Variants in NCK2 observed in about 807,000 individuals in gnomAD.
NCK2 encodes the protein NCK adaptor protein 2.
A neutral mutation model predicts 33.9 loss-of-function variants in NCK2; 16 were observed. That is an observed-to-expected ratio of 0.47 (90% CI 0.32 to 0.72). NCK2 has a LOEUF of 0.72. Among genes scored for constraint, NCK2 ranks in the 30% least tolerant of loss-of-function variants. The probability of loss-of-function intolerance (pLI) is 0.03; values close to 1 mark genes in which losing one functional copy is unlikely to be tolerated. For missense variants in NCK2, 418 were observed against 537.3 expected (o/e 0.78, Z 2.19); for synonymous variants, 273 against 239.9 (o/e 1.14, Z -1.27).
At chr2:105,847,576 T>C (rs1290812715) in intron 2 of NCK2, among the ~76,000 whole-genome samples, 3 of 151,860 alleles carry the variant, frequency 2.0e-5, no homozygotes, top group African/African-American at 4.8e-5. Flanking sequence ...AGCCAGCCAA[T>C]GGGAAGTGGA....
intron 1 of NCK2, among the ~76,000 whole-genome samples, chr2:105,789,411 A>C (rs574537223): frequency 2.6e-5 from 4 of 151,372 alleles, no homozygotes; most frequent in East Asian, 1.9e-4. Flanking sequence ...TGGTCTCCCA[A>C]CTCCTGGCCT....
Position 105,881,381 on chromosome 2 carries a change from A to T in NCK2, c.280A>T (p.Ser94Cys). Reference sequence around the variant, plus strand: ...CGCGCGGGATGCGTCCCCCACGCCCAGCACGGACGCCGAGTACCCCGCCAA... The same window carrying T: ...CGCGCGGGATGCGTCCCCCACGCCCTGCACGGACGCCGAGTACCCCGCCAA... ...TSARDASPTP[S>C]TDAEYPANGS... is the part of the protein sequence containing the mutation. Residue 94 changes from serine (S) to cysteine (C), a missense_variant, in exon 4 of 5, where the codon AGC becomes TGC. Physicochemically the swap from Ser to Cys is moderately radical, Grantham distance 112. Transcript: ENST00000233154. The T allele has an allele frequency of 6.2e-7, 1 of 1,610,618 alleles. No homozygotes were observed. The highest frequency in any genetic ancestry group is 1.1e-5 in the South Asian group (1 of 91,030).
intron 1 of NCK2, among the ~76,000 whole-genome samples, chr2:105,771,883 C>T (rs1413718650): frequency 6.6e-6 from 1 of 152,154 alleles, no homozygotes; most frequent in East Asian, 1.9e-4. Context: ...TATTTTTCTC[C>T]GCAGCTGTTC....
At chr2:105,760,123 CTG>C (rs1174939519) in intron 1 of NCK2, among the ~76,000 whole-genome samples, 1 of 152,156 alleles carries the variant, frequency 6.6e-6, no homozygotes, top group African/African-American at 2.4e-5. Context: ...GCTGTACCTC[CTG>C]TAGGGGTTGT....
intron 2 of NCK2, among the ~76,000 whole-genome samples, chr2:105,830,932 G>GT (rs1676162199): frequency 6.6e-6 from 1 of 151,786 alleles, no homozygotes; most frequent in African/African-American, 2.4e-5. Flanking sequence ...TTTTCTTTTT[G>GT]TTTTGCTGTT....
Position 105,893,072 on chromosome 2 carries a change from C to T in NCK2, c.1039C>T (p.Arg347Trp), listed in dbSNP as rs1679057740. Reference protein sequence around the residue: ...LVDNVYCIGQRRFHTMDELVE... With the variant: ...LVDNVYCIGQWRFHTMDELVE... ...GGACAATGTCTACTGCATTGGGCAG[C>T]GGCGCTTCCACACCATGGACGAGCT... is the stretch of plus-strand genomic sequence containing the variant. Residue 347 changes from arginine to tryptophan, a missense_variant, in exon 5 of 5, where the codon CGG becomes TGG. Coordinates refer to ENST00000233154, the MANE Select transcript of NCK2 (RefSeq NM_003581.5). The T allele has an allele frequency of 1.9e-6, 3 of 1,613,982 alleles. No homozygotes were observed. Among genetic ancestry groups the T allele is most frequent in the Non-Finnish European group, 2.5e-6 (3 of 1,180,014 alleles).
intron 3 of NCK2, among the ~76,000 whole-genome samples, chr2:105,879,550 T>A (rs1678382425): frequency 6.6e-6 from 1 of 152,276 alleles, no homozygotes; most frequent in Admixed American, 6.5e-5. Context: ...TGGCTTACTC[T>A]TGTGTTTCCC....
At chr2:105,891,655 C>T (rs1573259650) in intron 4 of NCK2, among the ~76,000 whole-genome samples, 1 of 146,366 alleles carries the variant, frequency 6.8e-6, no homozygotes. Context: ...AAGCGATTCT[C>T]CTGCCTCAGC....
chr2:105,885,249 G>C (rs1678677713), intron 4 of NCK2, among the ~76,000 whole-genome samples: 1 of 152,138 alleles, frequency 6.6e-6, no homozygotes. Context: ...AAGATATCAT[G>C]TATTTATTAT....
chr2:105,765,680 T>C (rs1196749971), intron 1 of NCK2, among the ~76,000 whole-genome samples: 1 of 149,270 alleles, frequency 6.7e-6, no homozygotes, highest in Non-Finnish European at 1.5e-5. Flanking sequence ...TTTTTTTAAT[T>C]ACTAATATGT....
intron 1 of NCK2, among the ~76,000 whole-genome samples, chr2:105,795,152 A>G (rs1691031958): frequency 6.6e-6 from 1 of 152,216 alleles, no homozygotes; most frequent in African/African-American, 2.4e-5. Flanking sequence ...GTGAAACTGC[A>G]CTGACAAAAA....
chr2:105,772,524 C>T (rs1029155409), intron 1 of NCK2, among the ~76,000 whole-genome samples: 2 of 152,076 alleles, frequency 1.3e-5, no homozygotes, highest in African/African-American at 4.8e-5. Flanking sequence ...CTCTGGTCCT[C>T]CTCCCTCCGC....
chr2:105,866,173 C>T (rs1029014107), intron 3 of NCK2, among the ~76,000 whole-genome samples: 2 of 152,160 alleles, frequency 1.3e-5, no homozygotes, highest in Non-Finnish European at 2.9e-5. Flanking sequence ...CTTGGCCTCC[C>T]AAAGTGCCGG....
chr2:105,869,261 G>A (rs780949614), intron 3 of NCK2, among the ~76,000 whole-genome samples: 5 of 152,140 alleles, frequency 3.3e-5, no homozygotes, highest in Admixed American at 6.5e-5. Context: ...ACCGGATCCT[G>A]CATGTGTCCC....
At chr2:105,835,225 A>G (rs145018010) in intron 2 of NCK2, among the ~76,000 whole-genome samples, 60 of 151,224 alleles carry the variant, frequency 4.0e-4, no homozygotes, top group African/African-American at 1.4e-3. Flanking sequence ...TTCCAAATGT[A>G]GGGTTTCCTT....
chr2:105,767,506 C>T (rs771703040), intron 1 of NCK2, among the ~76,000 whole-genome samples: 11 of 152,208 alleles, frequency 7.2e-5, no homozygotes, highest in Non-Finnish European at 1.6e-4. Flanking sequence ...GGCCCATGGA[C>T]CAAATCCAGT....
intron 2 of NCK2, among the ~76,000 whole-genome samples, chr2:105,846,260 T>TC (rs1405220511): frequency 8.5e-5 from 13 of 152,172 alleles, no homozygotes; most frequent in Non-Finnish European, 1.2e-4. Context: ...TTCTTTTTTT[T>TC]CTGTAAAATT....
Position 105,857,108 on chromosome 2 carries a change from A to C in NCK2, c.226+1819A>C, listed in dbSNP as rs949981046. On this transcript the variant is annotated intron_variant, in intron 3 of 4. Coordinates refer to ENST00000233154, the MANE Select transcript of NCK2 (RefSeq NM_003581.5). ...TTAGAGACTTGTAGGAAGTAGAACAAGGCAAGGCGAGTTCTCTGGGTGACC... is the reference window on the plus strand; with the variant it reads ...TTAGAGACTTGTAGGAAGTAGAACACGGCAAGGCGAGTTCTCTGGGTGACC... 3 of 151,926 alleles carry C rather than the reference A, an allele frequency of 2.0e-5. No individual in the cohort carries two copies. In the East Asian group the frequency reaches 5.8e-4, roughly 29 times the overall value. 9.4% of individuals were successfully genotyped at this position (151,926 alleles called of 1,614,324 possible).
chr2:105,748,184 C>T (rs979061717), intron 1 of NCK2, among the ~76,000 whole-genome samples: 1 of 152,110 alleles, frequency 6.6e-6, no homozygotes, highest in African/African-American at 2.4e-5. Flanking sequence ...TGTCCCTGAC[C>T]AGCCTCTGTG....
Sources: gnomAD v4.1 joint callset for allele counts (sites outside exome capture counted in the v4.1 genomes callset) on GRCh38, gnomAD v4.1.1 for gene constraint, MANE v1.5 for transcripts, NCBI Gene and HGNC (gene_info 2026-07-23, HGNC 2026-07-21) for gene names.